MED12L: variants seen among roughly 807,000 people sequenced by gnomAD.
MED12L encodes mediator of RNA polymerase II transcription subunit 12-like protein.
MED12L carries 60 observed loss-of-function variants against 281.3 expected under a neutral mutation model. The observed-to-expected ratio is 0.21, with a 90% CI of 0.17 to 0.26. The LOEUF (loss-of-function observed/expected upper bound fraction) is 0.26. Ranked by LOEUF, MED12L falls within the 10% of genes least tolerant of loss-of-function variation. The pLI is 1.00. For missense variants in MED12L, 2,146 were observed against 2,680.9 expected (o/e 0.80, Z 4.41); for synonymous variants, 974 against 987.2 (o/e 0.99, Z 0.25).
chr3:151,328,439 T>C, intron 16 of MED12L: 1 of 1,613,768 alleles, frequency 6.2e-7, no homozygotes, highest in South Asian at 1.1e-5. Context: ...TACCATTTGA[T>C]GCCATTTCAG....
chr3:151,270,825 C>T (rs1015918813), intron 16 of MED12L, among the ~76,000 whole-genome samples: 6 of 152,102 alleles, frequency 3.9e-5, no homozygotes, highest in African/African-American at 9.7e-5. Context: ...CCCTGCCACT[C>T]GATGGGACAA....
intron 16 of MED12L, among the ~76,000 whole-genome samples, chr3:151,206,131 T>C (rs1451065401): frequency 2.6e-5 from 4 of 151,052 alleles, no homozygotes; most frequent in African/African-American, 7.3e-5. Flanking sequence ...AGCCCAAAGA[T>C]TTTTTTCTGT....
chr3:151,231,413 T>C (rs1033221979), intron 16 of MED12L, among the ~76,000 whole-genome samples: 4 of 152,228 alleles, frequency 2.6e-5, no homozygotes, highest in Non-Finnish European at 5.9e-5. Context: ...TGGTGGTCAC[T>C]GAATGATCCA....
chr3:151,302,647 A>G (rs535528589), intron 16 of MED12L, among the ~76,000 whole-genome samples: 2 of 152,282 alleles, frequency 1.3e-5, no homozygotes, highest in East Asian at 3.9e-4. Flanking sequence ...ACTGTCAGCC[A>G]TATGCCTGAG....
At chr3:151,165,761 C>A in intron 10 of MED12L, 85 bp from the exon 11 acceptor site, 2 of 1,402,740 alleles carry the variant, frequency 1.4e-6, no homozygotes, top group African/African-American at 1.4e-5. Flanking sequence ...AATTCTTTTG[C>A]CTCACATAGA....
intron 16 of MED12L, among the ~76,000 whole-genome samples, chr3:151,277,702 T>G (rs1022875072): frequency 1.2e-4 from 19 of 152,234 alleles, no homozygotes; most frequent in African/African-American, 4.6e-4. Context: ...AAGTAGCATA[T>G]GAACTCAAAT....
Position 151,247,962 on chromosome 3 carries a change from CTTTTTTTTTTT to C in MED12L, c.2250+54309_2250+54319del, listed in dbSNP as rs61102632. 6.1e-4 allele frequency among the ~76,000 whole-genome samples: 46 copies of C among 75,904 alleles called. No homozygotes were observed. The South Asian group carries it at 0.015, about 25-fold the overall frequency. 49.8% of individuals were successfully genotyped at this position (75,904 alleles called of 152,430 possible). A position where few individuals can be genotyped will look rare whatever the true frequency, so the allele number is the denominator to read the frequency against. On this transcript the variant is annotated intron_variant, in intron 16 of 44. Transcript: ENST00000687756. ...GTTTACTTTCTTTCTTCTTCTTCTT[CTTTTTTTTTTT>C]TTTTTTTTTTTTGCCTGAGAAATAA...
chr3:151,130,051 A>G (rs1200731159), intron 5 of MED12L, among the ~76,000 whole-genome samples: 2 of 151,830 alleles, frequency 1.3e-5, no homozygotes, highest in African/African-American at 4.8e-5. Flanking sequence ...TTACAGGGTG[A>G]GCCACTGCCC....
chr3:151,378,186 G>C lies in MED12L; in HGVS notation c.4478+13G>C. 1 of 1,591,284 alleles carries C rather than the reference G, an allele frequency of 6.3e-7. No homozygotes were observed. The highest frequency in any genetic ancestry group is 8.6e-7 in the Non-Finnish European group (1 of 1,166,898). On this transcript the variant is annotated intron_variant, in intron 31 of 44. Transcript: ENST00000687756. The stretch of plus-strand genomic sequence containing the variant: ...AGAAACAGAAAAGGTGTGGCTGGAA[G>C]ATGGGCGTCTGTGTGAGAGTTTAAA...
At chr3:151,140,251 T>A (rs1716729250) in intron 5 of MED12L, among the ~76,000 whole-genome samples, 1 of 152,206 alleles carries the variant, frequency 6.6e-6, no homozygotes, top group Non-Finnish European at 1.5e-5. Flanking sequence ...TACAGACCCT[T>A]TATTAACGTA....
intron 39 of MED12L, among the ~76,000 whole-genome samples, chr3:151,404,294 T>G (rs569753657): frequency 6.6e-6 from 1 of 152,342 alleles, no homozygotes; most frequent in Admixed American, 6.5e-5. Context: ...TATATGGACA[T>G]GCTAAAATCA....
chr3:151,380,471 C>T lies in MED12L; in HGVS notation c.4590+247C>T, dbSNP rs9868730. ...AATTAGCCGGGCATGATGGTGTGCG[C>T]CTATGATCCCAGCTACTCGGGAGGC... is the stretch of plus-strand genomic sequence containing the variant. On this transcript the variant is annotated intron_variant, in intron 32 of 44. Coordinates refer to ENST00000687756, the MANE Select transcript of MED12L (RefSeq NM_001393769.1). 0.088 allele frequency among the ~76,000 whole-genome samples: 13,388 copies of T among 151,954 alleles called. 807 individuals are homozygous for T. Among genetic ancestry groups the T allele is most frequent in the Non-Finnish European group, 0.13 (8,930 of 67,954 alleles).
rs779244142 is a variant in MED12L, at chr3:151,127,808, ATGT to A, written c.397-12_397-10del. The A allele has an allele frequency of 5.0e-5, 76 of 1,523,346 alleles. No individual in the cohort carries two copies. Among genetic ancestry groups the A allele is most frequent in the Admixed American group, 6.8e-5 (4 of 58,718 alleles). 94.4% of individuals were successfully genotyped at this position (1,523,346 alleles called of 1,614,324 possible). A position where few individuals can be genotyped will look rare whatever the true frequency, so the allele number is the denominator to read the frequency against. ...AGTACGTGATTATTATAAATATACT[ATGT>A]TGTTTCTTTTTAGGTTCCTATCCTT... On this transcript the variant is annotated splice_polypyrimidine_tract_variant and intron_variant, in intron 4 of 44. Coordinates refer to ENST00000687756, the MANE Select transcript of MED12L (RefSeq NM_001393769.1).
chr3:151,380,104 C>G lies in MED12L; in HGVS notation c.4479-9C>G. The G allele has an allele frequency of 6.6e-7, 1 of 1,521,546 alleles. No individual in the cohort carries two copies. The highest frequency in any genetic ancestry group is 1.4e-5 in the African/African-American group (1 of 71,550). 94.3% of individuals were successfully genotyped at this position (1,521,546 alleles called of 1,614,324 possible). A position where few individuals can be genotyped will look rare whatever the true frequency, so the allele number is the denominator to read the frequency against. On this transcript the variant is annotated splice_polypyrimidine_tract_variant and intron_variant, in intron 31 of 44. Coordinates refer to ENST00000687756, the MANE Select transcript of MED12L (RefSeq NM_001393769.1). The stretch of plus-strand genomic sequence containing the variant: ...ACTAGATCTGTTGTTATTATTACTT[C>G]CTTTGTAGTATGTCTCTTTTGAGTC...
intron 16 of MED12L, among the ~76,000 whole-genome samples, chr3:151,263,076 TAGG>T (rs1739199889): frequency 1.3e-5 from 2 of 152,060 alleles, no homozygotes; most frequent in Non-Finnish European, 2.9e-5. Flanking sequence ...GAGACCCATG[TAGG>T]AGTACATGGG....
At chr3:151,196,389 A>T (rs1724664067) in intron 16 of MED12L, among the ~76,000 whole-genome samples, 1 of 152,218 alleles carries the variant, frequency 6.6e-6, no homozygotes, top group South Asian at 2.1e-4. Flanking sequence ...TAAAAAGAGA[A>T]AATCTGACTA....
chr3:151,086,834 G>C lies in MED12L; in HGVS notation c.-93G>C, dbSNP rs1191406566. On this transcript the variant is annotated 5_prime_UTR_variant, in exon 2 of 45. Transcript: ENST00000687756. ...GCGAGCGAGCGAGGAGGGGGAGAGA[G>C]GGAGTCTGTCTGCAAAGTGCTGCTC... The C allele has an allele frequency of 5.2e-6, 5 of 956,526 alleles. No individual in the cohort carries two copies. Among genetic ancestry groups the C allele is most frequent in the Non-Finnish European group, 7.8e-6 (5 of 643,936 alleles). The allele number at this position is 956,526 out of a possible 1,614,324, so 59.3% of individuals were successfully genotyped here.
Position 151,303,094 on chromosome 3 carries a change from C to G in MED12L, c.2251-46965C>G, listed in dbSNP as rs141252420. Among the ~76,000 whole-genome samples the G allele has an allele frequency of 1.9e-3, 295 of 152,232 alleles. 2 individuals are homozygous for G. The highest frequency in any genetic ancestry group is 6.7e-3 in the African/African-American group (277 of 41,544). On this transcript the variant is annotated intron_variant, in intron 16 of 44. Transcript: ENST00000687756. Reference sequence around the variant, plus strand: ...TAAGGTATAATAGTCTACTGAGGAACTGGTGACAGCATGTAGAGATGGAGA... The same window carrying G: ...TAAGGTATAATAGTCTACTGAGGAAGTGGTGACAGCATGTAGAGATGGAGA...
At position 151,382,681 on chromosome 3, in the gene MED12L, G is replaced by A. The variant is rs1378172388; in HGVS notation, c.4616G>A (p.Arg1539Gln). The change falls in exon 33 of 45, where the codon CGA (arginine) becomes CAA (glutamine). Residue 1539 changes from arginine to glutamine, a missense_variant. Physicochemically the swap from Arg to Gln is conservative, Grantham distance 43. Transcript: ENST00000687756. ...ATTTTAAGTAACTGGAGAGAAGAAC[G>A]ATACCAAGATGACATAAAAGCGCGG... is the stretch of plus-strand genomic sequence containing the variant. ...NQILSNWREE[R>Q]YQDDIKARQM... is the part of the protein sequence containing the mutation. 1.9e-6 allele frequency: 3 copies of A among 1,611,058 alleles called. No individual in the cohort carries two copies. Among genetic ancestry groups the A allele is most frequent in the African/African-American group, 1.3e-5 (1 of 74,914 alleles).
Sources: gnomAD v4.1 joint callset for allele counts (sites outside exome capture counted in the v4.1 genomes callset) on GRCh38, gnomAD v4.1.1 for gene constraint, MANE v1.5 for transcripts, NCBI Gene and HGNC (gene_info 2026-07-23, HGNC 2026-07-21) for gene names.